The following TPRG1 variants were observed in gnomAD, a reference collection of about 807,000 sequenced individuals.
TPRG1 encodes tumor protein p63-regulated gene 1 protein.
Under a neutral mutation model 29.3 loss-of-function variants are expected in TPRG1, and 29 were observed. The ratio of observed to expected loss-of-function variants is 0.99; its 90% CI spans 0.74 to 1.35. The LOEUF is 1.35. TPRG1 is among the 40% of genes most tolerant of loss of function. TPRG1 has a pLI of 0.00. For missense variants in TPRG1, 327 were observed against 335.0 expected, an observed-to-expected ratio of 0.98 and a Z score of 0.19; for synonymous variants, 130 against 116.8, an observed-to-expected ratio of 1.11 and a Z score of -0.73.
chr3:189,247,975 T>A (rs1256528473), intron 4 of TPRG1, among the ~76,000 whole-genome samples: 1 of 151,446 alleles, frequency 6.6e-6, no homozygotes, highest in Non-Finnish European at 1.5e-5. Flanking sequence ...ATTTTTTTTT[T>A]AATTGGGCTA....
At chr3:189,312,115 T>C (rs371235793) in intron 5 of TPRG1, among the ~76,000 whole-genome samples, 1,546 of 68,766 alleles carry the variant, frequency 0.022, 116 homozygotes, top group Middle Eastern at 0.041. Flanking sequence ...GTTTCTTTCT[T>C]TGTTTCTTTC....
At chr3:189,118,863 C>A (rs1239569399) in intron 1 of TPRG1, among the ~76,000 whole-genome samples, 2 of 152,206 alleles carry the variant, frequency 1.3e-5, no homozygotes, top group East Asian at 1.9e-4. Flanking sequence ...TCATGGAGAA[C>A]CTCTGCTACA....
chr3:189,041,731 T>A (rs1714647085), intron 4 of TPRG1, among the ~76,000 whole-genome samples: 1 of 152,192 alleles, frequency 6.6e-6, no homozygotes, highest in Non-Finnish European at 1.5e-5. Context: ...GAGACCAGCT[T>A]GCCCTTAGAT....
intron 4 of TPRG1, among the ~76,000 whole-genome samples, chr3:189,075,889 T>G (rs1371294131): frequency 6.6e-6 from 1 of 152,204 alleles, no homozygotes; most frequent in Non-Finnish European, 1.5e-5. Flanking sequence ...TGGAACACTT[T>G]TCTTCCATTA....
intron 4 of TPRG1, among the ~76,000 whole-genome samples, chr3:189,083,851 C>T (rs1717762688): frequency 6.6e-6 from 1 of 152,158 alleles, no homozygotes; most frequent in African/African-American, 2.4e-5. Context: ...CATAGGAACA[C>T]TGAGGATAGT....
intron 5 of TPRG1, among the ~76,000 whole-genome samples, chr3:189,310,782 C>T (rs1208809766): frequency 4.6e-5 from 7 of 151,760 alleles, no homozygotes; most frequent in Admixed American, 2.6e-4. Context: ...TGCTGCTTTC[C>T]GCTTGCTAAT....
chr3:189,108,253 G>C (rs1041682559), intron 1 of TPRG1, among the ~76,000 whole-genome samples: 5 of 152,260 alleles, frequency 3.3e-5, no homozygotes, highest in Middle Eastern at 3.4e-3. Context: ...TGTTTAGACT[G>C]TCTGGAAGCA....
At chr3:189,294,930 G>A (rs1288284463) in intron 4 of TPRG1, among the ~76,000 whole-genome samples, 3 of 152,122 alleles carry the variant, frequency 2.0e-5, no homozygotes. Context: ...GTATACATGT[G>A]CCATGTTGGT....
chr3:189,094,952 A>G (rs941212538), intron 4 of TPRG1, among the ~76,000 whole-genome samples: 1 of 152,166 alleles, frequency 6.6e-6, no homozygotes, highest in Non-Finnish European at 1.5e-5. Context: ...GATTGGCATC[A>G]GTTTTACAGA....
chr3:189,301,587 GC>G (rs1720850752), intron 4 of TPRG1, among the ~76,000 whole-genome samples: 1 of 151,604 alleles, frequency 6.6e-6, no homozygotes, highest in African/African-American at 2.4e-5. Context: ...TTCTTCTTCT[GC>G]CATTATCACC....
chr3:189,033,226 A>G (rs1714037093), intron 4 of TPRG1, among the ~76,000 whole-genome samples: 1 of 152,016 alleles, frequency 6.6e-6, no homozygotes, highest in Non-Finnish European at 1.5e-5. Context: ...CTATTACTAC[A>G]GAAAAAAAGG....
upstream of TPRG1, among the ~76,000 whole-genome samples, chr3:189,168,411 C>T (rs1184881821): frequency 6.6e-6 from 1 of 152,126 alleles, no homozygotes; most frequent in Non-Finnish European, 1.5e-5. Flanking sequence ...GCTGTGAGGC[C>T]TTGTAGGGCT....
chr3:189,207,040 C>A, intron 1 of TPRG1: 1 of 352,002 alleles, frequency 2.8e-6, no homozygotes, highest in Non-Finnish European at 4.0e-6. Context: ...GAATTTTCAA[C>A]CAAAAATGCT....
At chr3:189,013,332 A>G (rs1321726352) in intron 3 of TPRG1, among the ~76,000 whole-genome samples, 1 of 152,270 alleles carries the variant, frequency 6.6e-6, no homozygotes, top group East Asian at 1.9e-4. Context: ...TATGGTTTTA[A>G]GTAAATTTCT....
At chr3:189,250,968 A>G (rs1742152362) in intron 4 of TPRG1, among the ~76,000 whole-genome samples, 1 of 151,994 alleles carries the variant, frequency 6.6e-6, no homozygotes, top group African/African-American at 2.4e-5. Context: ...CGCGGGCCTT[A>G]AAATCTGTTC....
intron 4 of TPRG1, among the ~76,000 whole-genome samples, chr3:189,032,712 G>A (rs1356749756): frequency 2.7e-5 from 4 of 149,736 alleles, no homozygotes; most frequent in African/African-American, 9.9e-5. Flanking sequence ...TCGTCATTTA[G>A]CATTAGGTGT....
intron 5 of TPRG1, among the ~76,000 whole-genome samples, chr3:189,319,676 T>G (rs1354245427): frequency 6.6e-6 from 1 of 152,106 alleles, no homozygotes; most frequent in Non-Finnish European, 1.5e-5. Flanking sequence ...GAGCATTCTA[T>G]TTTTGACTCC....
At chr3:189,229,687 C>T (rs754100122) in intron 3 of TPRG1, among the ~76,000 whole-genome samples, 10 of 152,220 alleles carry the variant, frequency 6.6e-5, no homozygotes, top group Non-Finnish European at 1.0e-4. Context: ...ACAGGAAGCA[C>T]GACAGAGACC....
intron 2 of TPRG1, among the ~76,000 whole-genome samples, chr3:189,207,906 C>T (rs1214079280): frequency 6.6e-6 from 1 of 152,166 alleles, no homozygotes; most frequent in Non-Finnish European, 1.5e-5. Flanking sequence ...AAGAGAGAAC[C>T]ATAGCAGCTA....
Sources: gnomAD v4.1 joint callset for allele counts (sites outside exome capture counted in the v4.1 genomes callset) on GRCh38, gnomAD v4.1.1 for gene constraint, MANE v1.5 for transcripts, NCBI Gene and HGNC (gene_info 2026-07-23, HGNC 2026-07-21) for gene names.